The following RNF157 variants were observed in gnomAD, a reference collection of about 807,000 sequenced individuals.
The protein encoded by RNF157 is E3 ubiquitin ligase RNF157.
In RNF157, 55 loss-of-function variants were observed where a neutral mutation model predicts 88.3. The observed-to-expected ratio is 0.62, with a 90% CI of 0.50 to 0.78. RNF157 has a LOEUF of 0.78. RNF157 is among the 30% of genes least tolerant of loss of function. The probability of loss-of-function intolerance (pLI) is 0.00; values close to 1 mark genes in which losing one functional copy is unlikely to be tolerated. For missense variants in RNF157, 788 were observed against 860.8 expected (o/e 0.92, Z 1.06); for synonymous variants, 334 against 341.2 (o/e 0.98, Z 0.23).
intron 18 of RNF157, among the ~76,000 whole-genome samples, chr17:76,151,994 G>A (rs894077193): frequency 2.0e-5 from 3 of 152,178 alleles, no homozygotes; most frequent in African/African-American, 4.8e-5. Context: ...CAAGACCTTC[G>A]TAGAGAGGTG....
intron 3 of RNF157, among the ~76,000 whole-genome samples, chr17:76,170,060 G>C (rs536490787): frequency 8.1e-4 from 124 of 152,280 alleles, no homozygotes; most frequent in African/African-American, 2.8e-3. Flanking sequence ...GGCTGACCTG[G>C]ATCTGTTGAG....
At position 76,202,128 on chromosome 17, in the gene RNF157, T is replaced by TCTCTCTCTCTCACA. The variant is rs1250661867; in HGVS notation, c.207+10235_207+10236insTGTGAGAGAGAGAG. Among the ~76,000 whole-genome samples, 171 of 134,660 alleles carry TCTCTCTCTCTCACA rather than the reference T, an allele frequency of 1.3e-3. 2 individuals are homozygous for TCTCTCTCTCTCACA. The highest frequency in any genetic ancestry group is 4.7e-3 in the African/African-American group (152 of 32,062). The allele number at this position is 134,660 out of a possible 152,430, so 88.3% of individuals were successfully genotyped here. ...ATCTCAGTTTCTCTCTCTCTCTCTC[T>TCTCTCTCTCTCACA]CACACACACACACACACACACACAC... is the stretch of plus-strand genomic sequence containing the variant. On this transcript the variant is annotated intron_variant, in intron 2 of 18. Coordinates refer to ENST00000269391, the MANE Select transcript of RNF157 (RefSeq NM_052916.3).
At chr17:76,185,581 T>C (rs1316975877) in intron 2 of RNF157, among the ~76,000 whole-genome samples, 1 of 151,510 alleles carries the variant, frequency 6.6e-6, no homozygotes, top group Non-Finnish European at 1.5e-5. Flanking sequence ...GCCATTCTCC[T>C]GCCTCAGCCT....
At chr17:76,155,455 G>GC (rs1305966374) in intron 15 of RNF157, 107 bp downstream of exon 15, 3 of 1,472,420 alleles carry the variant, frequency 2.0e-6, no homozygotes, top group African/African-American at 1.4e-5. Flanking sequence ...AGCACTCCTG[G>GC]CATTTTGGGG....
At chr17:76,188,031 G>A (rs929649455) in intron 2 of RNF157, among the ~76,000 whole-genome samples, 1 of 152,220 alleles carries the variant, frequency 6.6e-6, no homozygotes, top group Non-Finnish European at 1.5e-5. Flanking sequence ...AGTCTTGAGA[G>A]CTCTGATTAT....
chr17:76,143,604 T>A lies in RNF157; in HGVS notation c.*1631A>T, dbSNP rs913160864. 3 of 151,992 alleles carry A rather than the reference T, an allele frequency of 2.0e-5. No homozygotes were observed. Among genetic ancestry groups the A allele is most frequent in the South Asian group, 4.2e-4 (2 of 4,814 alleles). The allele number at this position is 151,992 out of a possible 1,614,324, so 9.4% of individuals were successfully genotyped here. ...GTCTACTGCAGTTTTTCAGAGAGGGTTGGACGACAGGCCCCCCTCTCCATC... is the reference window on the plus strand; with the variant it reads ...GTCTACTGCAGTTTTTCAGAGAGGGATGGACGACAGGCCCCCCTCTCCATC... On this transcript the variant is annotated 3_prime_UTR_variant, in exon 19 of 19. Coordinates refer to ENST00000269391, the MANE Select transcript of RNF157 (RefSeq NM_052916.3).
chr17:76,170,522 G>A (rs1384876996), intron 3 of RNF157, among the ~76,000 whole-genome samples: 2 of 152,138 alleles, frequency 1.3e-5, no homozygotes, highest in African/African-American at 4.8e-5. Context: ...GACCTTTCCA[G>A]GGAGAGTCAT....
chr17:76,151,605 A>G (rs1468165132), intron 18 of RNF157, among the ~76,000 whole-genome samples: 1 of 152,214 alleles, frequency 6.6e-6, no homozygotes, highest in Non-Finnish European at 1.5e-5. Context: ...GATTTTAGAA[A>G]AGCAGTTTTT....
chr17:76,234,167 A>G (rs2070242283), intron 1 of RNF157, among the ~76,000 whole-genome samples: 1 of 152,220 alleles, frequency 6.6e-6, no homozygotes, highest in Admixed American at 6.5e-5. Flanking sequence ...TTCACTGAGT[A>G]TAACATTTTC....
At chr17:76,205,381 G>A (rs953018074) in intron 2 of RNF157, among the ~76,000 whole-genome samples, 5 of 151,820 alleles carry the variant, frequency 3.3e-5, no homozygotes, top group Admixed American at 1.3e-4. Context: ...TGATCCTCCC[G>A]CCTCAGCCTC....
chr17:76,167,719 G>T lies in RNF157; in HGVS notation c.375C>A (p.Asp125Glu). ...KVHYNVEFTF[D>E]TDARVAITIY... ...TGGTGATGGCTACCCGAGCATCTGT[G>T]TCAAAGGTGAACTCAACATTGTAGT... The change falls in exon 4 of 19, where the codon GAC (aspartate) becomes GAA (glutamate). Residue 125 changes from aspartate (D) to glutamate (E), a missense_variant. Transcript: ENST00000269391. 6.2e-7 allele frequency: 1 copy of T among 1,614,182 alleles called. No homozygotes were observed. The highest frequency in any genetic ancestry group is 8.5e-7 in the Non-Finnish European group (1 of 1,180,016).
At chr17:76,145,449 G>A in intron 18 of RNF157, 96 bp from the exon 19 acceptor site, 1 of 833,128 alleles carries the variant, frequency 1.2e-6, no homozygotes, top group Non-Finnish European at 2.0e-6. Context: ...CACGGAAGGA[G>A]CAGGATGCGT....
At chr17:76,171,524 T>G (rs2069014853) in intron 3 of RNF157, among the ~76,000 whole-genome samples, 1 of 152,172 alleles carries the variant, frequency 6.6e-6, no homozygotes, top group Non-Finnish European at 1.5e-5. Flanking sequence ...TATAATTACT[T>G]AATGGGGTTT....
At position 76,176,492 on chromosome 17, in the gene RNF157, G is replaced by A. The variant is rs369863786; in HGVS notation, c.208-2702C>T. Among the ~76,000 whole-genome samples, 3 of 152,116 alleles carry A rather than the reference G, an allele frequency of 2.0e-5. No homozygotes were observed. The highest frequency in any genetic ancestry group is 1.9e-4 in the East Asian group (1 of 5,192). On this transcript the variant is annotated intron_variant, in intron 2 of 18. Coordinates refer to ENST00000269391, the MANE Select transcript of RNF157 (RefSeq NM_052916.3). This position sits in a 1 kb window ranked among gnomAD's most constrained non-coding sequence, Gnocchi z 4.2. ...ATCGATTTTGCCTACTATTACTCTC[G>A]AAATTTCTTAGTGAGTTATCTTCCT...
chr17:76,173,598 C>G, intron 3 of RNF157, 104 bp downstream of exon 3: 1 of 835,696 alleles, frequency 1.2e-6, no homozygotes, highest in South Asian at 1.5e-5. Context: ...AGCTCTGGGG[C>G]TGCCGGAAAC....
intron 7 of RNF157, among the ~76,000 whole-genome samples, chr17:76,165,224 C>G (rs1022428426): frequency 2.6e-5 from 4 of 152,108 alleles, no homozygotes; most frequent in African/African-American, 9.7e-5. Flanking sequence ...ACTCTCAGAG[C>G]AGAATTATAC....
intron 2 of RNF157, among the ~76,000 whole-genome samples, chr17:76,205,820 T>C (rs890326641): frequency 6.6e-6 from 1 of 152,118 alleles, no homozygotes; most frequent in Admixed American, 6.6e-5. Context: ...GAAGAAACTG[T>C]GTCAATGCGG....
chr17:76,225,475 C>T (rs1341508733), intron 1 of RNF157, among the ~76,000 whole-genome samples: 3 of 152,152 alleles, frequency 2.0e-5, no homozygotes, highest in African/African-American at 7.2e-5. Flanking sequence ...TATACATATA[C>T]AAATATGTCC....
At chr17:76,159,697 C>T (rs1434163157) in intron 11 of RNF157, 124 bp from the exon 12 acceptor site, 1 of 705,670 alleles carries the variant, frequency 1.4e-6, no homozygotes, top group African/African-American at 1.8e-5. Flanking sequence ...CTGGTAAGAA[C>T]AACTGTACTA....
Sources: allele counts gnomAD v4.1 joint callset (sites outside exome capture counted in the v4.1 genomes callset), GRCh38; gene constraint gnomAD v4.1.1; non-coding constraint Gnocchi (gnomAD v3.1); transcripts MANE v1.5; gene names NCBI Gene and HGNC (gene_info 2026-07-23, HGNC 2026-07-21).